Variants in SIK3 observed in about 807,000 individuals in gnomAD.
SIK3 encodes the protein SIK family kinase 3, also known as serine/threonine-protein kinase SIK3.
A neutral mutation model predicts 144.2 loss-of-function variants in SIK3; 28 were observed. The observed-to-expected ratio is 0.19, with a 90% CI of 0.14 to 0.27. The LOEUF is 0.27. Among genes scored for constraint, SIK3 ranks in the 10% least tolerant of loss-of-function variants. The pLI is 1.00. For missense variants in SIK3, 1,319 were observed against 1,776.0 expected (o/e 0.74, Z 4.62); for synonymous variants, 686 against 676.3 (o/e 1.01, Z -0.22).
intron 1 of SIK3, among the ~76,000 whole-genome samples, chr11:117,058,727 A>G (rs1282594890): frequency 6.6e-6 from 1 of 152,184 alleles, no homozygotes; most frequent in African/African-American, 2.4e-5. Flanking sequence ...AATGAAATCA[A>G]CTCCAAACAA....
chr11:116,984,509 G>T (rs947294960), intron 1 of SIK3, among the ~76,000 whole-genome samples: 1 of 152,130 alleles, frequency 6.6e-6, no homozygotes, highest in Non-Finnish European at 1.5e-5. Context: ...CTTAGCAGAT[G>T]TCAGAATTTG....
At chr11:116,959,082 C>A (rs1325903149) in intron 1 of SIK3, among the ~76,000 whole-genome samples, 3 of 152,204 alleles carry the variant, frequency 2.0e-5, no homozygotes, top group Non-Finnish European at 2.9e-5. Context: ...GTAATCCCAG[C>A]ACTTTCGGAG....
In SIK3 at chr11:116,907,775, G is replaced by A. The variant is rs550025557; in HGVS notation, c.617-10458C>T. On this transcript the variant is annotated intron_variant, in intron 4 of 24. Coordinates refer to ENST00000445177, the MANE Select transcript of SIK3 (RefSeq NM_001366686.3). ...ACACATAATGCTTCAGGAATACTGC[G>A]TCAAGTTTCTTTTAAAAACATGCAT... Among the ~76,000 whole-genome samples, 173 of 152,198 alleles carry A rather than the reference G, an allele frequency of 1.1e-3. 1 individual carries two copies. The highest frequency in any genetic ancestry group is 4.0e-3 in the African/African-American group (168 of 41,516).
intron 1 of SIK3, among the ~76,000 whole-genome samples, chr11:116,964,026 A>C (rs1433688370): frequency 6.6e-6 from 1 of 152,108 alleles, no homozygotes; most frequent in Admixed American, 6.5e-5. Flanking sequence ...ATTCTTGGGA[A>C]GATCCTAACG....
At chr11:116,972,470 C>T (rs2135472690) in intron 1 of SIK3, among the ~76,000 whole-genome samples, 1 of 152,308 alleles carries the variant, frequency 6.6e-6, no homozygotes, top group Non-Finnish European at 1.5e-5. Flanking sequence ...CTTTCTTCAT[C>T]CCCAGCTGGT....
At chr11:116,855,730 G>A (rs1942857832) in intron 21 of SIK3, 3 of 152,218 alleles carry the variant, frequency 2.0e-5, no homozygotes, top group African/African-American at 7.2e-5. Flanking sequence ...GCTAGTGTGA[G>A]TACTCTTATG....
At position 116,875,455 on chromosome 11, in the gene SIK3, G is replaced by C. The variant is rs760946742; in HGVS notation, c.1240-4C>G. 6 of 1,613,956 alleles carry C rather than the reference G, an allele frequency of 3.7e-6. No individual in the cohort carries two copies. The highest frequency in any genetic ancestry group is 5.1e-6 in the Non-Finnish European group (6 of 1,179,922). On this transcript the variant is annotated splice_region_variant and splice_polypyrimidine_tract_variant and intron_variant, in intron 9 of 24. Transcript: ENST00000445177. ...TAGCAGTACCTGCCTGCTCCGCCTGGAAAGCAGTACATACATATACACGCA... is the reference window on the plus strand; with the variant it reads ...TAGCAGTACCTGCCTGCTCCGCCTGCAAAGCAGTACATACATATACACGCA...
intron 13 of SIK3, among the ~76,000 whole-genome samples, chr11:116,870,859 G>C (rs1299775354): frequency 6.6e-6 from 1 of 152,188 alleles, no homozygotes; most frequent in Non-Finnish European, 1.5e-5. Flanking sequence ...GTCAGGCAAA[G>C]AGGGACAGGA....
chr11:117,040,641 A>G (rs1304918219), intron 1 of SIK3, among the ~76,000 whole-genome samples: 1 of 152,192 alleles, frequency 6.6e-6, no homozygotes. Context: ...AAAGTAGAGG[A>G]GAACATTCCA....
rs1942249001 is a variant in SIK3, at chr11:116,849,349, C to T, written c.3656-66G>A. The stretch of plus-strand genomic sequence containing the variant: ...TCTCCCAGCACTGGAAACTCCCATC[C>T]AAGAAATGTCTTGCAAGGGACAATG... On this transcript the variant is annotated intron_variant, in intron 21 of 24. Transcript: ENST00000445177. This position sits in a 1 kb window ranked among gnomAD's most constrained non-coding sequence, Gnocchi z 4.2. 5.0e-6 allele frequency: 8 copies of T among 1,589,730 alleles called. No homozygotes were observed. Among genetic ancestry groups the T allele is most frequent in the East Asian group, 2.2e-5 (1 of 44,620 alleles).
chr11:116,973,659 G>A (rs1949843753), intron 1 of SIK3, among the ~76,000 whole-genome samples: 1 of 152,200 alleles, frequency 6.6e-6, no homozygotes, highest in African/African-American at 2.4e-5. Context: ...CCTGAGCCAG[G>A]TGATCAAGGT....
chr11:116,892,392 A>C (rs1377145719), intron 6 of SIK3, among the ~76,000 whole-genome samples: 7 of 152,230 alleles, frequency 4.6e-5, no homozygotes, highest in Non-Finnish European at 8.8e-5. Context: ...AACAACCTGA[A>C]GTTAAAAACG....
In SIK3 at chr11:116,903,700, G is replaced by T. The variant is rs190429477; in HGVS notation, c.617-6383C>A. On this transcript the variant is annotated intron_variant, in intron 4 of 24. Coordinates refer to ENST00000445177, the MANE Select transcript of SIK3 (RefSeq NM_001366686.3). ...GGGCTCAAGCCATCTTCCTGCCTCA[G>T]CCTCCTAAGTAGCTGGGACTTCAGG... is the stretch of plus-strand genomic sequence containing the variant. Among the ~76,000 whole-genome samples the T allele has an allele frequency of 4.6e-5, 7 of 152,244 alleles. No individual in the cohort carries two copies. The East Asian group carries it at 1.4e-3, about 29-fold the overall frequency.
At chr11:117,021,928 CAAAAAAAAAAAAAAAAAAAA>C (rs71037444) in intron 1 of SIK3, among the ~76,000 whole-genome samples, 6 of 59,006 alleles carry the variant, frequency 1.0e-4, no homozygotes, top group South Asian at 7.2e-4. Context: ...TCTGTCTCTA[CAAAAAAAAAAAAAAAAAAAA>C]AAAAAAAAAA....
intron 1 of SIK3, among the ~76,000 whole-genome samples, chr11:117,076,030 G>A (rs537861079): frequency 3.3e-5 from 5 of 151,560 alleles, no homozygotes; most frequent in Non-Finnish European, 7.4e-5. Context: ...TGCATATTTA[G>A]TAGAGACGGG....
At position 116,859,458 on chromosome 11, in the gene SIK3, GGAT is replaced by G; in HGVS notation, c.2569_2571del (p.Ile857del). On this transcript the variant is annotated inframe_deletion, in exon 20 of 25. Transcript: ENST00000445177. Reference sequence around the variant, plus strand: ...AGCATGTCAACAGGCTCTTGGACTTGGATGGTGACCTGCTGTGACTGAGCAGGC... The same window carrying G: ...AGCATGTCAACAGGCTCTTGGACTTGGGTGACCTGCTGTGACTGAGCAGGC... 6.2e-7 allele frequency: 1 copy of G among 1,614,202 alleles called. No homozygotes were observed. The highest frequency in any genetic ancestry group is 8.5e-7 in the Non-Finnish European group (1 of 1,180,050).
chr11:116,943,940 T>C (rs2135297704), intron 3 of SIK3, among the ~76,000 whole-genome samples: 2 of 151,198 alleles, frequency 1.3e-5, no homozygotes, highest in Middle Eastern at 6.8e-3. Flanking sequence ...ATTTTGAAAA[T>C]CAGTAACTTA....
intron 6 of SIK3, among the ~76,000 whole-genome samples, chr11:116,884,248 G>A (rs568854673): frequency 2.6e-4 from 39 of 151,708 alleles, no homozygotes; most frequent in African/African-American, 8.2e-4. Flanking sequence ...CAGGCTGGGT[G>A]CAATCATAGC....
intron 1 of SIK3, among the ~76,000 whole-genome samples, chr11:117,079,404 C>T (rs1230335255): frequency 6.6e-6 from 1 of 152,082 alleles, no homozygotes; most frequent in Admixed American, 6.6e-5. Flanking sequence ...TGGAGAAAAA[C>T]CTAGACTCAT....
Sources: allele counts gnomAD v4.1 joint callset (sites outside exome capture counted in the v4.1 genomes callset), GRCh38; gene constraint gnomAD v4.1.1; non-coding constraint Gnocchi (gnomAD v3.1); transcripts MANE v1.5; gene names NCBI Gene and HGNC (gene_info 2026-07-23, HGNC 2026-07-21).